Variants in ERC2 observed in about 807,000 individuals in gnomAD.
The protein encoded by ERC2 is ELKS/RAB6-interacting/CAST family member 2.
ERC2 carries 42 observed loss-of-function variants against 114.8 expected under a neutral mutation model. The ratio of observed to expected loss-of-function variants is 0.37; its 90% CI spans 0.29 to 0.47. ERC2 has a LOEUF of 0.47. Among genes scored for constraint, ERC2 ranks in the 20% least tolerant of loss-of-function variants. The pLI is 0.99. For synonymous variants in ERC2, 454 were observed against 425.5 expected (o/e 1.07, Z -0.82); for missense variants, 939 against 1,150.7 (o/e 0.82, Z 2.66).
intron 2 of ERC2, among the ~76,000 whole-genome samples, chr3:56,345,445 A>G (rs1390735669): frequency 6.6e-6 from 1 of 152,234 alleles, no homozygotes; most frequent in South Asian, 2.1e-4. Context: ...AGGTGCTTAT[A>G]GTTCACTCTG....
chr3:56,240,770 A>G (rs2051271431), intron 3 of ERC2, among the ~76,000 whole-genome samples: 1 of 152,216 alleles, frequency 6.6e-6, no homozygotes, highest in Non-Finnish European at 1.5e-5. Context: ...ACGACCACTT[A>G]GCAAATACTT....
chr3:56,106,514 G>A (rs563939602), intron 6 of ERC2, among the ~76,000 whole-genome samples: 2 of 152,162 alleles, frequency 1.3e-5, no homozygotes, highest in Non-Finnish European at 2.9e-5. Flanking sequence ...TGTCTTTAGG[G>A]CCTTTCTGGA....
chr3:55,808,021 G>A (rs2059556628), intron 14 of ERC2, among the ~76,000 whole-genome samples: 2 of 152,178 alleles, frequency 1.3e-5, no homozygotes, highest in Non-Finnish European at 2.9e-5. Flanking sequence ...CCATCCAGCT[G>A]AGTGAAGTAA....
At chr3:56,241,613 T>C (rs561472861) in intron 3 of ERC2, among the ~76,000 whole-genome samples, 3 of 152,298 alleles carry the variant, frequency 2.0e-5, no homozygotes, top group African/African-American at 4.8e-5. Flanking sequence ...TATATGATCA[T>C]AGAGATAAGA....
intron 14 of ERC2, among the ~76,000 whole-genome samples, chr3:55,764,894 T>C (rs2149005313): frequency 6.6e-6 from 1 of 152,312 alleles, no homozygotes; most frequent in South Asian, 2.1e-4. Flanking sequence ...GAATATGCAG[T>C]GGTGAGGCTC....
chr3:55,683,437 G>A (rs1301518575), intron 17 of ERC2, among the ~76,000 whole-genome samples: 1 of 152,222 alleles, frequency 6.6e-6, no homozygotes, highest in Non-Finnish European at 1.5e-5. Flanking sequence ...GCAGTCGGCT[G>A]AAAACCACGA....
intron 1 of ERC2, among the ~76,000 whole-genome samples, chr3:56,458,067 G>A (rs1204692266): frequency 6.6e-6 from 1 of 152,146 alleles, no homozygotes; most frequent in Non-Finnish European, 1.5e-5. Flanking sequence ...GAAGAAGACT[G>A]GCACAAAGCA....
chr3:56,272,165 C>A (rs139961729), intron 3 of ERC2, among the ~76,000 whole-genome samples: 20 of 152,266 alleles, frequency 1.3e-4, no homozygotes, highest in Non-Finnish European at 2.5e-4. Context: ...GACATCACCA[C>A]CAAAATAAAA....
At chr3:55,772,423 T>C (rs2068286739) in intron 14 of ERC2, among the ~76,000 whole-genome samples, 1 of 152,168 alleles carries the variant, frequency 6.6e-6, no homozygotes, top group Non-Finnish European at 1.5e-5. Context: ...CATGCCATTC[T>C]CCTGCCTCAG....
intron 17 of ERC2, among the ~76,000 whole-genome samples, chr3:55,679,543 C>A (rs748180109): frequency 6.6e-6 from 1 of 152,210 alleles, no homozygotes; most frequent in Non-Finnish European, 1.5e-5. Flanking sequence ...CCATGGCAAT[C>A]TTATTCGTCA....
At chr3:56,352,452 G>A (rs772189007) in intron 2 of ERC2, among the ~76,000 whole-genome samples, 5 of 152,082 alleles carry the variant, frequency 3.3e-5, no homozygotes, top group African/African-American at 4.8e-5. Flanking sequence ...TAAGAACAGA[G>A]GACACAGGAC....
chr3:56,311,288 T>C (rs1438324924), intron 2 of ERC2, among the ~76,000 whole-genome samples: 17 of 74,750 alleles, frequency 2.3e-4, no homozygotes, highest in Admixed American at 3.1e-4. Context: ...TATATATATA[T>C]ATACACACAT....
intron 14 of ERC2, among the ~76,000 whole-genome samples, chr3:55,775,253 C>T (rs1044291055): frequency 2.0e-5 from 3 of 152,072 alleles, no homozygotes; most frequent in South Asian, 2.1e-4. Context: ...GAGTGGGGGT[C>T]GGGTGTGGTA....
chr3:55,587,079 A>G (rs2057641872), intron 17 of ERC2, among the ~76,000 whole-genome samples: 2 of 152,236 alleles, frequency 1.3e-5, no homozygotes, highest in Non-Finnish European at 2.9e-5. Flanking sequence ...AAGTTTTAAA[A>G]TTTTAAACAA....
At chr3:55,630,785 T>C (rs1037095130) in intron 17 of ERC2, among the ~76,000 whole-genome samples, 2 of 152,170 alleles carry the variant, frequency 1.3e-5, no homozygotes, top group African/African-American at 4.8e-5. Context: ...CTTTTTTTCC[T>C]GCCACTGGGA....
intron 13 of ERC2, among the ~76,000 whole-genome samples, chr3:55,892,557 A>T (rs1239821998): frequency 6.6e-6 from 1 of 152,184 alleles, no homozygotes; most frequent in East Asian, 1.9e-4. Flanking sequence ...TATTCATTGT[A>T]AAAAATATGA....
intron 7 of ERC2, among the ~76,000 whole-genome samples, chr3:56,032,963 AAG>A (rs1560057028): frequency 1.2e-4 from 13 of 106,206 alleles, no homozygotes; most frequent in South Asian, 3.4e-4. Context: ...AAGAAACAGA[AAG>A]AAAGAAAGAA....
intron 6 of ERC2, among the ~76,000 whole-genome samples, chr3:56,121,829 T>A (rs2079594559): frequency 6.6e-6 from 1 of 152,170 alleles, no homozygotes; most frequent in Admixed American, 6.5e-5. Context: ...GAAACTACAA[T>A]GTTTGAGGCT....
At chr3:55,858,201 A>G (rs1326229864) in intron 14 of ERC2, among the ~76,000 whole-genome samples, 1 of 152,220 alleles carries the variant, frequency 6.6e-6, no homozygotes, top group East Asian at 1.9e-4. Context: ...CTAACATTTT[A>G]TTAGTTTGAA....
Sources: gnomAD v4.1 joint callset for allele counts (sites outside exome capture counted in the v4.1 genomes callset) on GRCh38, gnomAD v4.1.1 for gene constraint, MANE v1.5 for transcripts, NCBI Gene and HGNC (gene_info 2026-07-23, HGNC 2026-07-21) for gene names.